GRM1: variants seen among roughly 807,000 people sequenced by gnomAD.
GRM1 encodes glutamate metabotropic receptor 1.
In GRM1, 33 loss-of-function variants were observed where a neutral mutation model predicts 90.9. The ratio of observed to expected loss-of-function variants is 0.36; its 90% CI spans 0.28 to 0.49. The LOEUF (loss-of-function observed/expected upper bound fraction) is 0.49. Ranked by LOEUF, GRM1 falls within the 20% of genes least tolerant of loss-of-function variation. The pLI, the probability that GRM1 is intolerant of heterozygous loss-of-function variation, is 0.99. For missense variants in GRM1, 1,190 were observed against 1,534.3 expected (o/e 0.78, Z 3.75); for synonymous variants, 700 against 613.2 (o/e 1.14, Z -2.09).
At chr6:146,032,209 A>G (rs545530968) in intron 1 of GRM1, among the ~76,000 whole-genome samples, 1 of 152,270 alleles carries the variant, frequency 6.6e-6, no homozygotes, top group East Asian at 1.9e-4. Flanking sequence ...TGTATGGCAA[A>G]GACAATGTCT....
chr6:146,282,024 A>G (rs1479416778), intron 2 of GRM1, among the ~76,000 whole-genome samples: 1 of 152,206 alleles, frequency 6.6e-6, no homozygotes. Flanking sequence ...AGCAGTGCAC[A>G]GGCTGCTTGG....
intron 3 of GRM1, among the ~76,000 whole-genome samples, chr6:146,314,032 A>T: frequency 8.1e-6 from 1 of 122,968 alleles, no homozygotes; most frequent in African/African-American, 3.1e-5. Context: ...ATTGCACTGT[A>T]TATATCAATA....
chr6:146,238,215 C>T (rs1333869791), intron 2 of GRM1, among the ~76,000 whole-genome samples: 1 of 152,136 alleles, frequency 6.6e-6, no homozygotes, highest in Non-Finnish European at 1.5e-5. Flanking sequence ...AATATGCTAA[C>T]ATTCAGAACT....
intron 1 of GRM1, among the ~76,000 whole-genome samples, chr6:146,146,269 A>C (rs1275477493): frequency 1.3e-5 from 2 of 151,076 alleles, no homozygotes; most frequent in African/African-American, 4.9e-5. Flanking sequence ...TTGTATTTTT[A>C]GTAGAGACGG....
chr6:146,159,827 A>T, intron 2 of GRM1: 2 of 444,884 alleles, frequency 4.5e-6, no homozygotes, highest in Non-Finnish European at 4.2e-6. Flanking sequence ...AGGAGGGAGG[A>T]TTGGTTAAGC....
chr6:146,134,366 A>T (rs985573705), intron 1 of GRM1, among the ~76,000 whole-genome samples: 1 of 152,256 alleles, frequency 6.6e-6, no homozygotes, highest in African/African-American at 2.4e-5. Context: ...TCCAAAACAA[A>T]TAATTACAAA....
chr6:146,248,612 C>G (rs550355267), intron 2 of GRM1, among the ~76,000 whole-genome samples: 1 of 152,288 alleles, frequency 6.6e-6, no homozygotes, highest in Admixed American at 6.5e-5. Context: ...CTGTTTATAA[C>G]TTACCCAGTC....
intron 2 of GRM1, among the ~76,000 whole-genome samples, chr6:146,245,274 G>T (rs2114745508): frequency 6.6e-6 from 1 of 152,282 alleles, no homozygotes; most frequent in Non-Finnish European, 1.5e-5. Context: ...CAAAAAAGTA[G>T]GAAGTGTGGC....
At chr6:146,162,559 A>T (rs774746058) in intron 2 of GRM1, among the ~76,000 whole-genome samples, 1 of 152,164 alleles carries the variant, frequency 6.6e-6, no homozygotes, top group Non-Finnish European at 1.5e-5. Flanking sequence ...CTTAACATAG[A>T]AGGCAAAGTG....
intron 2 of GRM1, among the ~76,000 whole-genome samples, chr6:146,247,528 C>T (rs1236658034): frequency 6.6e-6 from 1 of 151,996 alleles, no homozygotes; most frequent in Non-Finnish European, 1.5e-5. Flanking sequence ...GCGAGTGGAT[C>T]ACTTGAGGTA....
rs1371223143 is a variant in GRM1 at position 146,289,834 on chromosome 6, A to G, written c.951-14777A>G. ...TGGTAACAATAGGCCATGTATATAC[A>G]GTGTAGGAATGTAGTAAACTGTACC... On this transcript the variant is annotated intron_variant, in intron 2 of 7. Coordinates refer to ENST00000282753, the MANE Select transcript of GRM1 (RefSeq NM_001278064.2). 2.0e-5 allele frequency among the ~76,000 whole-genome samples: 3 copies of G among 152,354 alleles called. No homozygotes were observed. In the East Asian group the frequency reaches 5.8e-4, roughly 29 times the overall value.
intron 2 of GRM1, among the ~76,000 whole-genome samples, chr6:146,204,698 A>G (rs1434046359): frequency 6.6e-6 from 1 of 152,198 alleles, no homozygotes; most frequent in East Asian, 1.9e-4. Context: ...AATACTGCCA[A>G]AAAGGTTGGA....
rs982551621 is a variant in GRM1, at chr6:146,404,975, C to A, written c.2660+5276C>A. ...CATGCATATGAAAAAGTTTTCTGAGCTTAATTCACTAGACTTGAAATACCA... is the reference window on the plus strand; with the variant it reads ...CATGCATATGAAAAAGTTTTCTGAGATTAATTCACTAGACTTGAAATACCA... On this transcript the variant is annotated intron_variant, in intron 7 of 7. Coordinates refer to ENST00000282753, the MANE Select transcript of GRM1 (RefSeq NM_001278064.2). Among the ~76,000 whole-genome samples the A allele has an allele frequency of 3.8e-4, 58 of 152,118 alleles. 1 individual carries two copies. The highest frequency in any genetic ancestry group is 1.6e-4 in the Non-Finnish European group (11 of 68,006).
chr6:146,297,851 C>G (rs1783237162), intron 2 of GRM1, among the ~76,000 whole-genome samples: 1 of 152,188 alleles, frequency 6.6e-6, no homozygotes, highest in Admixed American at 6.5e-5. Flanking sequence ...GCACTGCTGA[C>G]TATTCTGCTA....
At chr6:146,384,876 A>G (rs1776444595) in intron 5 of GRM1, among the ~76,000 whole-genome samples, 2 of 152,252 alleles carry the variant, frequency 1.3e-5, no homozygotes, top group Middle Eastern at 3.4e-3. Flanking sequence ...GGATTGGATT[A>G]ACAGCACATT....
chr6:146,278,924 C>T (rs549574598), intron 2 of GRM1, among the ~76,000 whole-genome samples: 6 of 152,258 alleles, frequency 3.9e-5, no homozygotes, highest in South Asian at 4.1e-4. Flanking sequence ...TCAGGATGGT[C>T]TCAATCTCTT....
At chr6:146,050,579 G>C (rs1239586416) in intron 1 of GRM1, among the ~76,000 whole-genome samples, 2 of 152,024 alleles carry the variant, frequency 1.3e-5, no homozygotes, top group South Asian at 4.1e-4. Context: ...TTTTAAGAGG[G>C]GGGAGGGGAA....
chr6:146,412,919 A>G (rs1777621802), intron 7 of GRM1, among the ~76,000 whole-genome samples: 1 of 151,852 alleles, frequency 6.6e-6, no homozygotes, highest in Non-Finnish European at 1.5e-5. Context: ...TCTGAGTACA[A>G]TACCATCTTT....
intron 3 of GRM1, among the ~76,000 whole-genome samples, chr6:146,320,532 A>G (rs1784143282): frequency 6.6e-6 from 1 of 152,124 alleles, no homozygotes; most frequent in Non-Finnish European, 1.5e-5. Context: ...ATATTTTCAG[A>G]AGAAATGGTA....
Sources: gnomAD v4.1 joint callset for allele counts (sites outside exome capture counted in the v4.1 genomes callset) on GRCh38, gnomAD v4.1.1 for gene constraint, MANE v1.5 for transcripts, NCBI Gene and HGNC (gene_info 2026-07-23, HGNC 2026-07-21) for gene names.